TMA16: variants seen among roughly 807,000 people sequenced by gnomAD.
TMA16 encodes the protein translation machinery-associated protein 16.
In TMA16, 26 loss-of-function variants were observed where a neutral mutation model predicts 27.1. The ratio of observed to expected loss-of-function variants is 0.96; its 90% CI spans 0.70 to 1.33. TMA16 has a LOEUF of 1.33. Among genes scored for constraint, TMA16 ranks in the 40% most tolerant of loss-of-function variants. The pLI, the probability that TMA16 is intolerant of heterozygous loss-of-function variation, is 0.00. For synonymous variants in TMA16, 71 were observed against 81.9 expected, an observed-to-expected ratio of 0.87 and a Z score of 0.72; for missense variants, 233 against 241.4, an observed-to-expected ratio of 0.97 and a Z score of 0.23.
At chr4:163,501,265 A>T (rs1737646466) in intron 1 of TMA16, among the ~76,000 whole-genome samples, 1 of 152,172 alleles carries the variant, frequency 6.6e-6, no homozygotes, top group South Asian at 2.1e-4. Flanking sequence ...CTGTGTTATT[A>T]TTCTGGGTAG....
At chr4:163,511,210 T>C (rs7658430) in intron 2 of TMA16, among the ~76,000 whole-genome samples, 66,556 of 151,812 alleles carry the variant, frequency 0.44, 15,191 homozygotes, top group Admixed American at 0.56. Context: ...TATATCCTCT[T>C]TGACATGTTA....
intron 2 of TMA16, among the ~76,000 whole-genome samples, chr4:163,511,231 GT>G (rs917336918): frequency 4.1e-5 from 6 of 148,146 alleles, no homozygotes; most frequent in Admixed American, 6.7e-5. Context: ...TGTTGTCAGG[GT>G]TTTTTTTTTC....
chr4:163,513,794 G>A (rs903201924), intron 3 of TMA16, among the ~76,000 whole-genome samples: 2 of 152,002 alleles, frequency 1.3e-5, no homozygotes, highest in African/African-American at 4.8e-5. Flanking sequence ...GTTCAAGCTC[G>A]ACTAAATAAT....
chr4:163,500,752 G>A (rs1191409412), intron 1 of TMA16, among the ~76,000 whole-genome samples: 2 of 152,144 alleles, frequency 1.3e-5, no homozygotes, highest in Non-Finnish European at 2.9e-5. Flanking sequence ...TCTCCCAGGA[G>A]CAATTAATTT....
chr4:163,512,697 AATT>A, intron 2 of TMA16, 122 bp from the exon 3 acceptor site: 1 of 594,990 alleles, frequency 1.7e-6, no homozygotes, highest in Non-Finnish European at 2.9e-6. Flanking sequence ...ATTATTCTCA[AATT>A]TGTAAAAGAA....
At chr4:163,516,160 C>T (rs1737874357) in intron 5 of TMA16, 1 of 152,244 alleles carries the variant, frequency 6.6e-6, no homozygotes, top group South Asian at 2.1e-4. Flanking sequence ...AGAGCACATC[C>T]AAAGTAAACC....
intron 5 of TMA16, chr4:163,517,195 C>T (rs1456885436): frequency 2.1e-6 from 1 of 469,986 alleles, no homozygotes; most frequent in African/African-American, 2.0e-5. Context: ...AGCCACCGCG[C>T]CTGGCCTAAT....
At chr4:163,515,283 T>G in intron 4 of TMA16, 30 bp from the exon 5 acceptor site, 2 of 1,593,292 alleles carry the variant, frequency 1.3e-6, no homozygotes, top group Non-Finnish European at 1.7e-6. Flanking sequence ...ATACTTTGTA[T>G]GTAACACAAA....
intron 2 of TMA16, among the ~76,000 whole-genome samples, chr4:163,507,420 T>A (rs1389002571): frequency 6.6e-6 from 1 of 152,128 alleles, no homozygotes; most frequent in African/African-American, 2.4e-5. Flanking sequence ...TTACGTGGGA[T>A]AGTCATGGAA....
At chr4:163,508,490 C>T (rs1737748017) in intron 2 of TMA16, among the ~76,000 whole-genome samples, 1 of 152,032 alleles carries the variant, frequency 6.6e-6, no homozygotes, top group Non-Finnish European at 1.5e-5. Flanking sequence ...GATACTATTA[C>T]CTGCTGTAAA....
intron 2 of TMA16, 25 bp downstream of exon 2, chr4:163,507,170 T>G (rs1247756741): frequency 6.5e-7 from 1 of 1,540,760 alleles, no homozygotes; most frequent in Admixed American, 2.0e-5. Context: ...ATCATTTGTA[T>G]TACTCGTTGG....
intron 1 of TMA16, among the ~76,000 whole-genome samples, chr4:163,496,744 C>A (rs1737559365): frequency 6.6e-6 from 1 of 151,948 alleles, no homozygotes. Flanking sequence ...GTTACAGGTG[C>A]CAGCCACCAC....
At chr4:163,504,977 G>A (rs182230381) in intron 1 of TMA16, among the ~76,000 whole-genome samples, 2 of 152,326 alleles carry the variant, frequency 1.3e-5, no homozygotes, top group Admixed American at 1.3e-4. Flanking sequence ...AGGACAGCTG[G>A]TTTCCATGAG....
At chr4:163,505,333 C>T (rs1172630679) in intron 1 of TMA16, among the ~76,000 whole-genome samples, 1 of 152,146 alleles carries the variant, frequency 6.6e-6, no homozygotes. Context: ...TACATATTTT[C>T]CTATACCTGT....
chr4:163,516,306 C>A (rs181600839), intron 5 of TMA16, among the ~76,000 whole-genome samples: 7 of 152,200 alleles, frequency 4.6e-5, no homozygotes, highest in Non-Finnish European at 8.8e-5. Context: ...GAAATTGTCA[C>A]CAAATTCTGT....
intron 2 of TMA16, chr4:163,512,523 G>A: frequency 4.0e-6 from 1 of 248,032 alleles, no homozygotes; most frequent in Non-Finnish European, 7.8e-6. Flanking sequence ...GCATATTACA[G>A]AACCCATCTG....
At chr4:163,500,826 A>G (rs982244658) in intron 1 of TMA16, among the ~76,000 whole-genome samples, 2 of 152,206 alleles carry the variant, frequency 1.3e-5, no homozygotes, top group African/African-American at 4.8e-5. Flanking sequence ...ACTTCTTATA[A>G]AAGACCCAGG....
rs908335562 is a variant in TMA16, at chr4:163,498,335, TGTA to T, written c.3+3534_3+3536del. ...CAGAGTCTTGCTCTGTCACCCATGC[TGTA>T]GTGCAGTGGCGTGATCTCGGCTCAC... is the stretch of plus-strand genomic sequence containing the variant. On this transcript the variant is annotated intron_variant, in intron 1 of 6. Transcript: ENST00000358572. Among the ~76,000 whole-genome samples, 3 of 150,284 alleles carry T rather than the reference TGTA, an allele frequency of 2.0e-5. No homozygotes were observed. In the Admixed American group the frequency reaches 2.0e-4, roughly 10 times the overall value.
In TMA16 at chr4:163,504,119, A is replaced by T. The variant is rs577469864; in HGVS notation, c.4-2914A>T. ...AAGGACATTTTTTGTAGTTTTGAACATATTGCTGGAACTTCATGGCTATGC... is the reference window on the plus strand; with the variant it reads ...AAGGACATTTTTTGTAGTTTTGAACTTATTGCTGGAACTTCATGGCTATGC... On this transcript the variant is annotated intron_variant, in intron 1 of 6. Transcript: ENST00000358572. Among the ~76,000 whole-genome samples the T allele has an allele frequency of 7.2e-5, 11 of 152,334 alleles. No individual in the cohort carries two copies. The South Asian group carries it at 2.1e-3, about 29-fold the overall frequency.
Sources: gnomAD v4.1 joint callset for allele counts (sites outside exome capture counted in the v4.1 genomes callset) on GRCh38, gnomAD v4.1.1 for gene constraint, MANE v1.5 for transcripts, NCBI Gene and HGNC (gene_info 2026-07-23, HGNC 2026-07-21) for gene names.